POLR1H: variants seen among roughly 807,000 people sequenced by gnomAD.
POLR1H encodes the protein DNA-directed RNA polymerase I subunit RPA12.
Under a neutral mutation model 15.8 loss-of-function variants are expected in POLR1H, and 5 were observed. The observed-to-expected ratio is 0.32, with a 90% CI of 0.17 to 0.67. The LOEUF (loss-of-function observed/expected upper bound fraction) is 0.67, where lower values mean the gene tolerates loss of function less well. Among genes scored for constraint, POLR1H ranks in the 30% least tolerant of loss-of-function variants. The pLI, the probability that POLR1H is intolerant of heterozygous loss-of-function variation, is 0.74. For synonymous variants in POLR1H, 43 were observed against 58.3 expected (o/e 0.74, Z 1.20); for missense variants, 100 against 163.4 (o/e 0.61, Z 2.11).
At chr6:30,064,176 T>C (rs941061990) in intron 3 of POLR1H, among the ~76,000 whole-genome samples, 6 of 152,192 alleles carry the variant, frequency 3.9e-5, no homozygotes, top group Non-Finnish European at 7.3e-5. Context: ...ACAGAACTTT[T>C]AACCAGTGTG....
chr6:30,064,807 A>G lies in POLR1H; in HGVS notation c.*110A>G. The G allele has an allele frequency of 1.1e-6, 1 of 904,352 alleles. No individual in the cohort carries two copies. Among genetic ancestry groups the G allele is most frequent in the Non-Finnish European group, 1.7e-6 (1 of 580,568 alleles). 56.0% of individuals were successfully genotyped at this position (904,352 alleles called of 1,614,324 possible). A position where few individuals can be genotyped will look rare whatever the true frequency, so the allele number is the denominator to read the frequency against. The stretch of plus-strand genomic sequence containing the variant: ...CTGGTTGCAATGTTTTGCTCCCAGA[A>G]GAGAATCAGATCATCATGTGGGGAT... On this transcript the variant is annotated 3_prime_UTR_variant, in exon 4 of 4. Transcript: ENST00000332435.
upstream of POLR1H, chr6:30,061,151 C>T (rs1488667253): frequency 1.0e-5 from 2 of 194,534 alleles, no homozygotes; most frequent in Non-Finnish European, 2.1e-5. This position sits in a 1 kb window ranked among gnomAD's most constrained non-coding sequence, Gnocchi z 5.0. Context: ...CGTTAGTCTC[C>T]ATCTCTAACG....
intron 3 of POLR1H, 89 bp downstream of exon 3, chr6:30,062,422 C>T: frequency 3.5e-6 from 3 of 850,214 alleles, no homozygotes; most frequent in Non-Finnish European, 5.8e-6. Context: ...TGGCCGTTTC[C>T]CTTGGTCCCA....
chr6:30,061,507 C>G lies in POLR1H; in HGVS notation c.-18C>G. Reference sequence around the variant, plus strand: ...CTTTTGTTAATAAACTTCCAACTCCCTCCTCAGACCCGACCGCATGTCTGT... The same window carrying G: ...CTTTTGTTAATAAACTTCCAACTCCGTCCTCAGACCCGACCGCATGTCTGT... On this transcript the variant is annotated 5_prime_UTR_variant, in exon 1 of 4. Transcript: ENST00000332435. This position sits in a 1 kb window ranked among gnomAD's most constrained non-coding sequence, Gnocchi z 5.0. 6.2e-7 allele frequency: 1 copy of G among 1,611,582 alleles called. No homozygotes were observed. The highest frequency in any genetic ancestry group is 8.5e-7 in the Non-Finnish European group (1 of 1,179,068).
At chr6:30,062,670 C>G (rs1006602894) in intron 3 of POLR1H, among the ~76,000 whole-genome samples, 3 of 144,910 alleles carry the variant, frequency 2.1e-5, no homozygotes, top group Non-Finnish European at 4.5e-5. Flanking sequence ...CCCACCTCAG[C>G]CTCCAAAGTA....
At chr6:30,062,714 C>CTTTTTTTTTTTTTT (rs9278555) in intron 3 of POLR1H, among the ~76,000 whole-genome samples, 15 of 42,388 alleles carry the variant, frequency 3.5e-4, no homozygotes, top group African/African-American at 6.1e-4. Context: ...CCACGCCTGG[C>CTTTTTTTTTTTTTT]TTTTTTTTTT....
Position 30,061,697 on chromosome 6 carries a change from G to A in POLR1H, c.145+28G>A, listed in dbSNP as rs750546587. 3 of 1,612,036 alleles carry A rather than the reference G, an allele frequency of 1.9e-6. No homozygotes were observed. Among genetic ancestry groups the A allele is most frequent in the Non-Finnish European group, 2.5e-6 (3 of 1,179,250 alleles). On this transcript the variant is annotated intron_variant, in intron 1 of 3. Transcript: ENST00000332435. This position sits in a 1 kb window ranked among gnomAD's most constrained non-coding sequence, Gnocchi z 5.0. ...GAGAGGCTTGTACGCAGGGGTCCTG[G>A]CGGAGGGCGCAGGGTCGGAAGCTTG...
At chr6:30,060,823 A>C (rs1302672843), upstream of POLR1H, 1 of 152,216 alleles carries the variant, frequency 6.6e-6, no homozygotes, top group African/African-American at 2.4e-5. Context: ...AGCGGGACCC[A>C]AGGAACGCTA....
At chr6:30,060,855 T>C (rs1190181050), upstream of POLR1H, 1 of 152,192 alleles carries the variant, frequency 6.6e-6, no homozygotes, top group Non-Finnish European at 1.5e-5. Context: ...CCCAGAACAC[T>C]TAGCTTTGTT....
chr6:30,061,412 G>A lies in POLR1H; in HGVS notation c.-113G>A. The A allele has an allele frequency of 2.4e-6, 3 of 1,240,580 alleles. No homozygotes were observed. The highest frequency in any genetic ancestry group is 3.4e-6 in the Non-Finnish European group (3 of 891,010). 76.8% of individuals were successfully genotyped at this position (1,240,580 alleles called of 1,614,324 possible). ...GAGGCAGGAGGCGTGCGTGGCAGGA[G>A]GGTTCGGGTTATATACTCCTAGGTC... On this transcript the variant is annotated 5_prime_UTR_variant, in exon 1 of 4. Transcript: ENST00000332435. This position sits in a 1 kb window ranked among gnomAD's most constrained non-coding sequence, Gnocchi z 5.0.
In POLR1H at chr6:30,061,343, C is replaced by T; in HGVS notation, c.-182C>T. 3 of 646,096 alleles carry T rather than the reference C, an allele frequency of 4.6e-6. No individual in the cohort carries two copies. Among genetic ancestry groups the T allele is most frequent in the Non-Finnish European group, 7.8e-6 (3 of 384,720 alleles). The allele number at this position is 646,096 out of a possible 1,614,324, so 40.0% of individuals were successfully genotyped here. On this transcript the variant is annotated 5_prime_UTR_variant, in exon 1 of 4. Coordinates refer to ENST00000332435, the MANE Select transcript of POLR1H (RefSeq NM_170783.4). The surrounding 1 kb of genome is among the most constrained non-coding windows in gnomAD (Gnocchi z 5.0). Reference sequence around the variant, plus strand: ...AAAGGGTTCCAAGTCCTTTAGTACCCGACGCTGTCTGGGAATTCCGGGCGT... The same window carrying T: ...AAAGGGTTCCAAGTCCTTTAGTACCTGACGCTGTCTGGGAATTCCGGGCGT...
chr6:30,063,970 T>G lies in POLR1H; in HGVS notation c.357-703T>G, dbSNP rs1356240121. On this transcript the variant is annotated intron_variant, in intron 3 of 3. Transcript: ENST00000332435. The surrounding 1 kb of genome is among the most constrained non-coding windows in gnomAD (Gnocchi z 4.1). ...TAGAGTTGAATTTTTTCTTTTCTTG[T>G]TCACTTTTACAAGAAAGGGCAGCCT... is the stretch of plus-strand genomic sequence containing the variant. Among the ~76,000 whole-genome samples the G allele has an allele frequency of 6.6e-6, 1 of 152,198 alleles. No homozygotes were observed. Among genetic ancestry groups the G allele is most frequent in the Non-Finnish European group, 1.5e-5 (1 of 68,020 alleles).
At position 30,061,550 on chromosome 6, in the gene POLR1H, C is replaced by G. The variant is rs539440682; in HGVS notation, c.26C>G (p.Thr9Ser). MSVMDLAN[T>S]CSSFQSDLDF... ...ATGTCTGTCATGGACCTCGCCAATACTTGCTCCAGCTTTCAGTCGGACCTG... is the reference window on the plus strand; with the variant it reads ...ATGTCTGTCATGGACCTCGCCAATAGTTGCTCCAGCTTTCAGTCGGACCTG... Residue 9 changes from threonine (T) to serine (S), a missense_variant, in exon 1 of 4, where the codon ACT (threonine) becomes AGT (serine). Around this residue, in one of 2 missense-constraint regions of POLR1H, gnomAD observed 87 missense variants for 119.8 expected, o/e 0.73. Transcript: ENST00000332435. The surrounding 1 kb of genome is among the most constrained non-coding windows in gnomAD (Gnocchi z 5.0). 1 of 1,613,140 alleles carries G rather than the reference C, an allele frequency of 6.2e-7. No individual in the cohort carries two copies. The highest frequency in any genetic ancestry group is 2.2e-5 in the East Asian group (1 of 44,886).
At position 30,061,979 on chromosome 6, in the gene POLR1H, A is replaced by G. The variant is rs773386001; in HGVS notation, c.208A>G (p.Met70Val). 5.6e-6 allele frequency: 9 copies of G among 1,612,962 alleles called. No homozygotes were observed. The African/African-American group carries it at 9.3e-5, about 17-fold the overall frequency. ...CCACCAACTGGGGACAGCCATGCCT[A>G]TGTCGGTGGAGGAAGGGCCTGAGTG... ...VFHQLGTAMP[M>V]SVEEGPECQG... Residue 70 changes from methionine (M) to valine (V), a missense_variant, in exon 2 of 4, where the codon ATG becomes GTG. Met to Val is a conservative substitution (Grantham distance 21). Coordinates refer to ENST00000332435, the MANE Select transcript of POLR1H (RefSeq NM_170783.4). The surrounding 1 kb of genome is among the most constrained non-coding windows in gnomAD (Gnocchi z 5.0).
Position 30,063,990 on chromosome 6 carries a change from C to T in POLR1H, c.357-683C>T, listed in dbSNP as rs372474168. Reference sequence around the variant, plus strand: ...TCTTGTTCACTTTTACAAGAAAGGGCAGCCTTTTGCAGTTCCCAAATTTAT... The same window carrying T: ...TCTTGTTCACTTTTACAAGAAAGGGTAGCCTTTTGCAGTTCCCAAATTTAT... On this transcript the variant is annotated intron_variant, in intron 3 of 3. Coordinates refer to ENST00000332435, the MANE Select transcript of POLR1H (RefSeq NM_170783.4). This position sits in a 1 kb window ranked among gnomAD's most constrained non-coding sequence, Gnocchi z 4.1. 2.6e-4 allele frequency among the ~76,000 whole-genome samples: 40 copies of T among 152,286 alleles called. 1 individual carries two copies. The East Asian group carries it at 3.5e-3, about 13-fold the overall frequency.
At chr6:30,062,068 TGGA>T (rs779844597) in intron 2 of POLR1H, 51 bp downstream of exon 2, 1 of 1,555,334 alleles carries the variant, frequency 6.4e-7, no homozygotes, top group Non-Finnish European at 8.9e-7. Context: ...AGGAAAGAAA[TGGA>T]GGAGTGATTG....
intron 3 of POLR1H, among the ~76,000 whole-genome samples, chr6:30,064,449 G>A (rs948772580): frequency 6.7e-6 from 1 of 149,738 alleles, no homozygotes; most frequent in Non-Finnish European, 1.5e-5. Flanking sequence ...TGCTTTCTGT[G>A]TCCTAAGAAA....
At position 30,061,475 on chromosome 6, in the gene POLR1H, CTT is replaced by C. The variant is rs763630521; in HGVS notation, c.-49_-48del. On this transcript the variant is annotated 5_prime_UTR_variant, in exon 1 of 4. Coordinates refer to ENST00000332435, the MANE Select transcript of POLR1H (RefSeq NM_170783.4). This position sits in a 1 kb window ranked among gnomAD's most constrained non-coding sequence, Gnocchi z 5.0. ...AGTTACGACCTCTGGGACAGGAACT[CTT>C]CTCTCTTTTGTTAATAAACTTCCAA... The C allele has an allele frequency of 1.2e-6, 2 of 1,602,064 alleles. No homozygotes were observed. Among genetic ancestry groups the C allele is most frequent in the South Asian group, 1.1e-5 (1 of 90,116 alleles).
Position 30,061,795 on chromosome 6 carries a change from G to C in POLR1H, c.146-122G>C. On this transcript the variant is annotated intron_variant, in intron 1 of 3. Coordinates refer to ENST00000332435, the MANE Select transcript of POLR1H (RefSeq NM_170783.4). This position sits in a 1 kb window ranked among gnomAD's most constrained non-coding sequence, Gnocchi z 5.0. ...ATCAGGCGGTTGTACATTTGGTCTA[G>C]CGATGAAAACTGAGGGAAAGGATGT... 1 of 1,559,796 alleles carries C rather than the reference G, an allele frequency of 6.4e-7. No homozygotes were observed. Among genetic ancestry groups the C allele is most frequent in the Non-Finnish European group, 8.7e-7 (1 of 1,143,192 alleles).
Sources: allele counts gnomAD v4.1 joint callset (sites outside exome capture counted in the v4.1 genomes callset), GRCh38; gene constraint gnomAD v4.1.1; regional missense constraint gnomAD v4.1.1; non-coding constraint Gnocchi (gnomAD v3.1); transcripts MANE v1.5; gene names NCBI Gene and HGNC (gene_info 2026-07-23, HGNC 2026-07-21).